The following PPM1H variants were observed in gnomAD, a reference collection of about 807,000 sequenced individuals.
PPM1H encodes protein phosphatase, Mg2+/Mn2+ dependent 1H.
A neutral mutation model predicts 54.9 loss-of-function variants in PPM1H; 27 were observed. That is an observed-to-expected ratio of 0.49 (90% CI 0.36 to 0.68). The LOEUF (loss-of-function observed/expected upper bound fraction) is 0.68. Among genes scored for constraint, PPM1H ranks in the 30% least tolerant of loss-of-function variants. PPM1H has a pLI of 0.00. For missense variants in PPM1H, 596 were observed against 667.8 expected (o/e 0.89, Z 1.19); for synonymous variants, 305 against 270.8 (o/e 1.13, Z -1.24).
chr12:62,933,678 A>T (rs909046966), intron 1 of PPM1H, among the ~76,000 whole-genome samples: 1 of 152,156 alleles, frequency 6.6e-6, no homozygotes, highest in African/African-American at 2.4e-5. Context: ...ATTAATAGTC[A>T]GTGGAAAAGT....
In PPM1H at chr12:62,801,962, G is replaced by C. The variant is rs756709628; in HGVS notation, c.610C>G (p.Arg204Gly). ...EEPENTPANS[R>G]TLTRAASLRG... is the part of the protein sequence containing the mutation. ...AGGGAGGCTGCCCGGGTCAGAGTCC[G>C]GCTGTTGGCGGGCGTGTTCTCAGGC... Residue 204 changes from arginine to glycine, a missense_variant, in exon 3 of 10, where the codon CGG (arginine) becomes GGG (glycine). Transcript: ENST00000228705. 1.2e-6 allele frequency: 2 copies of C among 1,612,712 alleles called. No homozygotes were observed. The highest frequency in any genetic ancestry group is 1.1e-5 in the South Asian group (1 of 91,010).
intron 1 of PPM1H, among the ~76,000 whole-genome samples, chr12:62,863,007 C>T (rs946852326): frequency 3.3e-5 from 5 of 152,060 alleles, no homozygotes; most frequent in Non-Finnish European, 5.9e-5. Context: ...ATTGCTTCCA[C>T]TTACAGAGCT....
intron 2 of PPM1H, among the ~76,000 whole-genome samples, chr12:62,825,854 C>G (rs190274262): frequency 6.6e-6 from 1 of 151,104 alleles, no homozygotes; most frequent in Non-Finnish European, 1.5e-5. Flanking sequence ...GCATATTGTG[C>G]GCATGTACCC....
In PPM1H at chr12:62,701,269, C is replaced by T. The variant is rs556163779; in HGVS notation, c.1074-7270G>A. 8.5e-5 allele frequency among the ~76,000 whole-genome samples: 13 copies of T among 152,358 alleles called. No individual in the cohort carries two copies. The South Asian group carries it at 2.7e-3, about 32-fold the overall frequency. ...CGGCTGATGCTCACTCACAAGCACC[C>T]CTTTCCCACCTTTGCCCTAGTGGGC... On this transcript the variant is annotated intron_variant, in intron 6 of 9. Coordinates refer to ENST00000228705, the MANE Select transcript of PPM1H (RefSeq NM_020700.2).
chr12:62,732,875 T>A (rs889842255), intron 5 of PPM1H, among the ~76,000 whole-genome samples: 2 of 152,154 alleles, frequency 1.3e-5, no homozygotes, highest in African/African-American at 4.8e-5. Flanking sequence ...GAACAAGGAA[T>A]ACACTGTTAA....
rs10877901 is a variant in PPM1H at position 62,644,858 on chromosome 12, G to A, written c.*3631C>T. On this transcript the variant is annotated 3_prime_UTR_variant, in exon 10 of 10. Transcript: ENST00000228705. ...TTGGATCACTTTTAGGATCAGCTTC[G>A]TTGTTCTTTGCGTAGACAATGACTC... 8,319 of 152,272 alleles carry A rather than the reference G, an allele frequency of 0.055. 335 individuals carry two copies. Among genetic ancestry groups the A allele is most frequent in the South Asian group, 0.15 (714 of 4,822 alleles). 9.4% of individuals were successfully genotyped at this position (152,272 alleles called of 1,614,324 possible).
intron 8 of PPM1H, among the ~76,000 whole-genome samples, chr12:62,685,164 T>C (rs561835629): frequency 4.6e-5 from 7 of 152,252 alleles, no homozygotes; most frequent in African/African-American, 1.7e-4. Context: ...AGTGTTACTT[T>C]GCACAATTCT....
chr12:62,676,083 A>G (rs1204955040), intron 8 of PPM1H, among the ~76,000 whole-genome samples: 1 of 152,176 alleles, frequency 6.6e-6, no homozygotes, highest in African/African-American at 2.4e-5. Context: ...TGATTGGTTC[A>G]TGGGTGGCCA....
chr12:62,700,066 C>T (rs1397738484), intron 6 of PPM1H, among the ~76,000 whole-genome samples: 1 of 152,168 alleles, frequency 6.6e-6, no homozygotes, highest in African/African-American at 2.4e-5. Flanking sequence ...ATATCCCCCT[C>T]CCTTACCCAC....
intron 1 of PPM1H, among the ~76,000 whole-genome samples, chr12:62,854,833 AC>A (rs1464915048): frequency 3.9e-5 from 6 of 152,154 alleles, no homozygotes; most frequent in Non-Finnish European, 5.9e-5. Context: ...TTAAAAAAAA[AC>A]ATAAAAATAA....
At chr12:62,858,127 T>A (rs935171767) in intron 1 of PPM1H, among the ~76,000 whole-genome samples, 3 of 150,358 alleles carry the variant, frequency 2.0e-5, no homozygotes, top group African/African-American at 7.3e-5. Context: ...AATCTCTCCA[T>A]TGCTTTCACT....
Position 62,647,510 on chromosome 12 carries a change from A to C in PPM1H, c.*979T>G, listed in dbSNP as rs2075792693. On this transcript the variant is annotated 3_prime_UTR_variant, in exon 10 of 10. Transcript: ENST00000228705. ...GCAACTTCTTAAACTGCTCTATTAA[A>C]CACTGCTTTATATGTGTCCCCATGA... is the stretch of plus-strand genomic sequence containing the variant. 1 of 152,188 alleles carries C rather than the reference A, an allele frequency of 6.6e-6. No homozygotes were observed. The highest frequency in any genetic ancestry group is 2.1e-4 in the South Asian group (1 of 4,824). 9.4% of individuals were successfully genotyped at this position (152,188 alleles called of 1,614,324 possible). A position where few individuals can be genotyped will look rare whatever the true frequency, so the allele number is the denominator to read the frequency against.
intron 4 of PPM1H, among the ~76,000 whole-genome samples, chr12:62,759,067 T>C (rs538766161): frequency 6.6e-6 from 1 of 152,340 alleles, no homozygotes; most frequent in East Asian, 1.9e-4. Flanking sequence ...CCAAAACCTT[T>C]AAGAACTAAC....
rs987581085 is a variant in PPM1H, at chr12:62,913,982, G to A, written c.245+20510C>T. On this transcript the variant is annotated intron_variant, in intron 1 of 9. Coordinates refer to ENST00000228705, the MANE Select transcript of PPM1H (RefSeq NM_020700.2). ...CCCAAAGTGCTGGGATTACAGGCGT[G>A]AGCAACCATGCCTGGCCCAATATAC... Among the ~76,000 whole-genome samples the A allele has an allele frequency of 5.3e-5, 8 of 152,284 alleles. 1 individual carries two copies. The highest frequency in any genetic ancestry group is 3.9e-4 in the East Asian group (2 of 5,166).
At chr12:62,648,679 G>T in intron 9 of PPM1H, 43 bp from the exon 10 acceptor site, 2 of 1,600,214 alleles carry the variant, frequency 1.2e-6, no homozygotes, top group Non-Finnish European at 1.7e-6. Flanking sequence ...TAGAGCATCA[G>T]ACAGAAGCCA....
At chr12:62,840,611 A>AGAGAAAAGGT (rs541264010) in intron 1 of PPM1H, among the ~76,000 whole-genome samples, 12 of 152,308 alleles carry the variant, frequency 7.9e-5, no homozygotes, top group African/African-American at 2.6e-4. Flanking sequence ...ATCAACACTC[A>AGAGAAAAGGT]GAGAAAAGGT....
chr12:62,915,892 G>A (rs758203879), intron 1 of PPM1H, among the ~76,000 whole-genome samples: 16 of 152,090 alleles, frequency 1.1e-4, no homozygotes, highest in Non-Finnish European at 1.9e-4. Context: ...CTTTCAAACC[G>A]TCATGACCTT....
chr12:62,760,399 C>G (rs1403630168), intron 4 of PPM1H, among the ~76,000 whole-genome samples: 1 of 152,120 alleles, frequency 6.6e-6, no homozygotes, highest in East Asian at 1.9e-4. Context: ...TGACCTCTCA[C>G]CTCCTCCCCA....
chr12:62,659,351 G>GTTGAGACAGTTCCTTT (rs2136603567), intron 9 of PPM1H: 1 of 440,802 alleles, frequency 2.3e-6, no homozygotes, highest in African/African-American at 2.1e-5. Context: ...TTAATTTTCT[G>GTTGAGACAGTTCCTTT]GTTCCTTTGT....
Sources: allele counts gnomAD v4.1 joint callset (sites outside exome capture counted in the v4.1 genomes callset), GRCh38; gene constraint gnomAD v4.1.1; transcripts MANE v1.5; gene names NCBI Gene and HGNC (gene_info 2026-07-23, HGNC 2026-07-21).